The following AGBL4 variants were observed in gnomAD, a reference collection of about 807,000 sequenced individuals.
The protein encoded by AGBL4 is cytosolic carboxypeptidase 6.
A neutral mutation model predicts 66.4 loss-of-function variants in AGBL4; 58 were observed. The observed-to-expected ratio is 0.87, with a 90% confidence interval of 0.71 to 1.09. AGBL4 has a LOEUF of 1.09. Ranked by LOEUF, AGBL4 falls within the 50% of genes least tolerant of loss-of-function variation. The pLI is 0.00. For synonymous variants in AGBL4, 234 were observed against 222.9 expected, an observed-to-expected ratio of 1.05 and a Z score of -0.44; for missense variants, 579 against 631.0, an observed-to-expected ratio of 0.92 and a Z score of 0.88.
chr1:49,495,540 A>G (rs1434144139), intron 3 of AGBL4, among the ~76,000 whole-genome samples: 1 of 151,840 alleles, frequency 6.6e-6, no homozygotes, highest in African/African-American at 2.4e-5. Context: ...TTGATTTCAG[A>G]AGGAACAAAA....
At chr1:49,614,121 T>C (rs917441784) in intron 3 of AGBL4, among the ~76,000 whole-genome samples, 9 of 152,154 alleles carry the variant, frequency 5.9e-5, no homozygotes, top group Admixed American at 5.9e-4. Flanking sequence ...ATACATATCT[T>C]GATTTTTTAA....
chr1:49,246,279 T>A (rs138415961), intron 3 of AGBL4, among the ~76,000 whole-genome samples: 1 of 152,110 alleles, frequency 6.6e-6, no homozygotes, highest in East Asian at 1.9e-4. Context: ...AGTTATTAAG[T>A]GTATCCTTTC....
chr1:49,624,307 A>C (rs1019431336), intron 3 of AGBL4, among the ~76,000 whole-genome samples: 2 of 152,158 alleles, frequency 1.3e-5, no homozygotes, highest in East Asian at 3.9e-4. Flanking sequence ...AAATGCTTAA[A>C]TGTGTTAGCT....
At chr1:48,690,868 T>G (rs995201414) in intron 6 of AGBL4, among the ~76,000 whole-genome samples, 1 of 152,156 alleles carries the variant, frequency 6.6e-6, no homozygotes, top group Admixed American at 6.5e-5. Flanking sequence ...GAAGTTAACT[T>G]TAATATATTT....
chr1:48,637,270 G>T (rs1645682451), intron 8 of AGBL4, among the ~76,000 whole-genome samples: 1 of 152,216 alleles, frequency 6.6e-6, no homozygotes, highest in African/African-American at 2.4e-5. Flanking sequence ...ATGGGCAGCA[G>T]TGGTCAGGGA....
At chr1:49,620,599 C>A (rs1414913827) in intron 3 of AGBL4, among the ~76,000 whole-genome samples, 3 of 151,996 alleles carry the variant, frequency 2.0e-5, no homozygotes, top group East Asian at 1.9e-4. Context: ...ACCATTTGAC[C>A]AAGGTTTTGA....
chr1:49,422,832 G>T (rs1242127526), intron 3 of AGBL4, among the ~76,000 whole-genome samples: 1 of 152,036 alleles, frequency 6.6e-6, no homozygotes, highest in Non-Finnish European at 1.5e-5. Flanking sequence ...CATAATTCCT[G>T]TGTTGATTTT....
At chr1:49,359,800 C>T (rs926779150) in intron 3 of AGBL4, among the ~76,000 whole-genome samples, 9 of 152,026 alleles carry the variant, frequency 5.9e-5, no homozygotes, top group Non-Finnish European at 8.8e-5. Context: ...CTCTGACTTC[C>T]GTGCCCTCAT....
chr1:49,830,845 C>T (rs1370398729), intron 2 of AGBL4, among the ~76,000 whole-genome samples: 2 of 152,182 alleles, frequency 1.3e-5, no homozygotes, highest in Admixed American at 6.5e-5. Flanking sequence ...GTTTTCCTAA[C>T]ACCATTTATT....
intron 2 of AGBL4, among the ~76,000 whole-genome samples, chr1:49,736,396 A>G (rs1649892266): frequency 6.6e-6 from 1 of 152,144 alleles, no homozygotes; most frequent in African/African-American, 2.4e-5. Context: ...TATTTTTTAC[A>G]ACCACAATGA....
chr1:49,948,460 G>T (rs10888673), intron 1 of AGBL4, among the ~76,000 whole-genome samples: 70,906 of 97,126 alleles, frequency 0.73, 23,108 homozygotes, highest in Middle Eastern at 0.8. Flanking sequence ...TATAAATATA[G>T]ATAAATATAT....
intron 3 of AGBL4, among the ~76,000 whole-genome samples, chr1:49,391,571 T>G (rs1437487332): frequency 2.0e-5 from 3 of 149,500 alleles, no homozygotes; most frequent in African/African-American, 7.4e-5. Context: ...TTGTTTTTTT[T>G]TTTTTTTGGA....
rs1261149046 is a variant in AGBL4 at position 49,912,386 on chromosome 1, G to C, written c.35-60868C>G. On this transcript the variant is annotated intron_variant, in intron 1 of 13. Coordinates refer to ENST00000371839, the MANE Select transcript of AGBL4 (RefSeq NM_032785.4). ...AAGAAAAAGTATCTGGACAGTTATA[G>C]GAAGGCTTCTCTGAGAACGCAGTAA... is the stretch of plus-strand genomic sequence containing the variant. Among the ~76,000 whole-genome samples, 3 of 152,182 alleles carry C rather than the reference G, an allele frequency of 2.0e-5. No individual in the cohort carries two copies. The East Asian group carries it at 5.8e-4, about 29-fold the overall frequency.
intron 2 of AGBL4, among the ~76,000 whole-genome samples, chr1:49,790,961 A>C (rs1644585081): frequency 6.6e-6 from 1 of 152,214 alleles, no homozygotes; most frequent in Non-Finnish European, 1.5e-5. Context: ...TATAATGTAC[A>C]AAATATAAAA....
chr1:49,799,040 A>C (rs1353527089), intron 2 of AGBL4, among the ~76,000 whole-genome samples: 2 of 152,196 alleles, frequency 1.3e-5, no homozygotes, highest in Admixed American at 1.3e-4. Context: ...GTAAAATAAA[A>C]TAATAATAAT....
intron 5 of AGBL4, among the ~76,000 whole-genome samples, chr1:48,874,617 C>A (rs1649038099): frequency 6.6e-6 from 1 of 152,210 alleles, no homozygotes; most frequent in South Asian, 2.1e-4. Context: ...CCAAATATTA[C>A]ATACTTGGAA....
intron 4 of AGBL4, among the ~76,000 whole-genome samples, chr1:49,245,290 AC>A (rs1436824133): frequency 5.3e-5 from 8 of 150,632 alleles, no homozygotes; most frequent in African/African-American, 1.7e-4. Context: ...ACACACACAC[AC>A]ACACAAAACA....
intron 3 of AGBL4, among the ~76,000 whole-genome samples, chr1:49,388,180 T>G (rs1373175884): frequency 1.3e-5 from 2 of 152,110 alleles, no homozygotes; most frequent in Non-Finnish European, 2.9e-5. Context: ...TAAATTCTAA[T>G]AAGAACACAT....
rs1463668270 is a variant in AGBL4 at position 49,022,349 on chromosome 1, GA to G, written c.594+23234del. 5.9e-5 allele frequency among the ~76,000 whole-genome samples: 9 copies of G among 152,064 alleles called. No homozygotes were observed. The East Asian group carries it at 1.6e-3, about 26-fold the overall frequency. ...GTAGAATTCTTAGGTTCCATTTTCTGAAATAATATCTCGGTGGGAAGGCAAA... is the reference window on the plus strand; with the variant it reads ...GTAGAATTCTTAGGTTCCATTTTCTGAATAATATCTCGGTGGGAAGGCAAA... On this transcript the variant is annotated intron_variant, in intron 5 of 13. Coordinates refer to ENST00000371839, the MANE Select transcript of AGBL4 (RefSeq NM_032785.4).
Sources: allele counts gnomAD v4.1 joint callset (sites outside exome capture counted in the v4.1 genomes callset), GRCh38; gene constraint gnomAD v4.1.1; transcripts MANE v1.5; gene names NCBI Gene and HGNC (gene_info 2026-07-23, HGNC 2026-07-21).